ANKRD6: variants seen among roughly 807,000 people sequenced by gnomAD.
ANKRD6 encodes the protein ankyrin repeat domain 6, also known as ankyrin repeat domain-containing protein 6.
ANKRD6 carries 56 observed loss-of-function variants against 82.3 expected under a neutral mutation model. The observed-to-expected ratio is 0.68, with a 90% CI of 0.55 to 0.85. The LOEUF is 0.85. Ranked by LOEUF, ANKRD6 falls within the 40% of genes least tolerant of loss-of-function variation. The probability of loss-of-function intolerance (pLI) is 0.00; values close to 1 mark genes in which losing one functional copy is unlikely to be tolerated. For synonymous variants in ANKRD6, 347 were observed against 352.1 expected (o/e 0.99, Z 0.16); for missense variants, 852 against 907.6 (o/e 0.94, Z 0.79).
intron 3 of ANKRD6, among the ~76,000 whole-genome samples, chr6:89,601,134 C>T (rs532403558): frequency 6.6e-6 from 1 of 152,296 alleles, no homozygotes; most frequent in African/African-American, 2.4e-5. Flanking sequence ...GTAGACAGCG[C>T]AAATGGCACA....
chr6:89,619,405 G>A (rs1802422210), intron 9 of ANKRD6, among the ~76,000 whole-genome samples: 1 of 152,172 alleles, frequency 6.6e-6, no homozygotes, highest in Admixed American at 6.5e-5. Context: ...GCCATACAAA[G>A]ATCAAGTCTT....
chr6:89,589,461 C>T (rs1794449707), intron 2 of ANKRD6, among the ~76,000 whole-genome samples: 1 of 152,206 alleles, frequency 6.6e-6, no homozygotes, highest in Admixed American at 6.5e-5. Flanking sequence ...AACAAAAACA[C>T]CTCCACTTCC....
chr6:89,551,351 C>T (rs1785821455), intron 1 of ANKRD6, among the ~76,000 whole-genome samples: 1 of 152,196 alleles, frequency 6.6e-6, no homozygotes, highest in African/African-American at 2.4e-5. Flanking sequence ...CACCCTCTTC[C>T]CACCATGCTG....
intron 1 of ANKRD6, among the ~76,000 whole-genome samples, chr6:89,530,168 T>C (rs1435767391): frequency 6.6e-6 from 1 of 152,010 alleles, no homozygotes; most frequent in Admixed American, 6.6e-5. Context: ...CTTGGGAGGA[T>C]TGCTTGAGCC....
At chr6:89,605,811 C>A (rs1294396178) in intron 4 of ANKRD6, among the ~76,000 whole-genome samples, 196 bp from the exon 5 acceptor site, 1 of 152,158 alleles carries the variant, frequency 6.6e-6, no homozygotes, top group Non-Finnish European at 1.5e-5. Context: ...TAGAATGGTT[C>A]TTATGATGTA....
chr6:89,499,611 A>T (rs1779037498), intron 1 of ANKRD6, among the ~76,000 whole-genome samples: 1 of 152,090 alleles, frequency 6.6e-6, no homozygotes, highest in African/African-American at 2.4e-5. Context: ...GGGTGCCAAT[A>T]GCTTGTATTG....
chr6:89,559,721 C>G (rs565772274), intron 1 of ANKRD6, among the ~76,000 whole-genome samples: 1 of 152,254 alleles, frequency 6.6e-6, no homozygotes, highest in East Asian at 1.9e-4. Context: ...GCTGACAGGC[C>G]TGTCTCACTG....
chr6:89,536,486 C>A (rs773899590), intron 1 of ANKRD6, among the ~76,000 whole-genome samples: 1 of 152,196 alleles, frequency 6.6e-6, no homozygotes, highest in African/African-American at 2.4e-5. Flanking sequence ...TGCTTTCAGG[C>A]TCAGAGTGGT....
chr6:89,514,711 G>T (rs1781004553), intron 1 of ANKRD6, among the ~76,000 whole-genome samples: 1 of 152,146 alleles, frequency 6.6e-6, no homozygotes, highest in Non-Finnish European at 1.5e-5. Context: ...TTGTATTTCT[G>T]TTGATTATAT....
At chr6:89,557,668 A>C (rs761211036) in intron 1 of ANKRD6, among the ~76,000 whole-genome samples, 26 of 152,150 alleles carry the variant, frequency 1.7e-4, no homozygotes, top group Non-Finnish European at 4.4e-5. Context: ...GCCTGTTAGG[A>C]ACCTTGCCAC....
Position 89,623,524 on chromosome 6 carries a change from A to G in ANKRD6, c.1012A>G (p.Arg338Gly). 1 of 1,587,250 alleles carries G rather than the reference A, an allele frequency of 6.3e-7. No homozygotes were observed. Among genetic ancestry groups the G allele is most frequent in the Admixed American group, 1.8e-5 (1 of 55,356 alleles). ...AGAACCCAGAGCAAAGGATGACAGGAGGAGAAAGTCAAGGCCCAAGGTCAG... is the reference window on the plus strand; with the variant it reads ...AGAACCCAGAGCAAAGGATGACAGGGGGAGAAAGTCAAGGCCCAAGGTCAG... ...SPEPRAKDDR[R>G]RKSRPKVSAF... Residue 338 changes from arginine (R) to glycine (G), a missense_variant, in exon 11 of 16, where the codon AGG becomes GGG. Coordinates refer to ENST00000339746, the MANE Select transcript of ANKRD6 (RefSeq NM_001242809.2).
chr6:89,600,592 G>A (rs980469419), intron 3 of ANKRD6, among the ~76,000 whole-genome samples: 8 of 152,188 alleles, frequency 5.3e-5, no homozygotes, highest in Non-Finnish European at 1.2e-4. Context: ...GAAAGCGTGA[G>A]CTGCAGTCGC....
At chr6:89,460,711 C>T (rs1428135761) in intron 1 of ANKRD6, among the ~76,000 whole-genome samples, 3 of 152,098 alleles carry the variant, frequency 2.0e-5, no homozygotes, top group Non-Finnish European at 2.9e-5. Context: ...GCTGGGATTA[C>T]AGGCGTGAGC....
chr6:89,446,006 A>G (rs1171918041), intron 1 of ANKRD6, among the ~76,000 whole-genome samples: 1 of 152,154 alleles, frequency 6.6e-6, no homozygotes, highest in African/African-American at 2.4e-5. Flanking sequence ...GCTGTTACCC[A>G]TCTCTCTCCC....
At chr6:89,440,508 C>T (rs1014034739) in intron 1 of ANKRD6, among the ~76,000 whole-genome samples, 2 of 152,178 alleles carry the variant, frequency 1.3e-5, no homozygotes, top group Non-Finnish European at 2.9e-5. Flanking sequence ...CTGCTTTTAG[C>T]AAATAGGGGA....
At chr6:89,492,713 G>A (rs758635306) in intron 1 of ANKRD6, among the ~76,000 whole-genome samples, 11 of 152,172 alleles carry the variant, frequency 7.2e-5, no homozygotes, top group Admixed American at 1.3e-4. Flanking sequence ...GAAGAGGTTC[G>A]TAACATGAAA....
chr6:89,588,513 C>T (rs1256112485), intron 2 of ANKRD6, among the ~76,000 whole-genome samples: 2 of 152,160 alleles, frequency 1.3e-5, no homozygotes, highest in Non-Finnish European at 2.9e-5. Flanking sequence ...CCCATTACAC[C>T]ATTTCTCCTT....
At chr6:89,453,575 C>A (rs1773123652) in intron 1 of ANKRD6, among the ~76,000 whole-genome samples, 1 of 151,776 alleles carries the variant, frequency 6.6e-6, no homozygotes. Context: ...TTGGGAAGTG[C>A]CTCCAACAAT....
chr6:89,621,988 G>C lies in ANKRD6; in HGVS notation c.859G>C (p.Ala287Pro). 1 of 1,612,866 alleles carries C rather than the reference G, an allele frequency of 6.2e-7. No homozygotes were observed. Among genetic ancestry groups the C allele is most frequent in the Non-Finnish European group, 8.5e-7 (1 of 1,179,896 alleles). ...KRERLKEERRAQSVPRDEVAQ... is the reference protein window; with the variant it reads ...KRERLKEERRPQSVPRDEVAQ... ...AGAGAGGCTCAAGGAAGAGAGGAGA[G>C]CCCAGTCTGTGCCAAGAGATGAGGT... Residue 287 changes from alanine (A) to proline (P), a missense_variant, in exon 10 of 16, where the codon GCC becomes CCC. By Grantham distance (27) the Ala-to-Pro change is conservative. Transcript: ENST00000339746.
Sources: gnomAD v4.1 joint callset for allele counts (sites outside exome capture counted in the v4.1 genomes callset) on GRCh38, gnomAD v4.1.1 for gene constraint, MANE v1.5 for transcripts, NCBI Gene and HGNC (gene_info 2026-07-23, HGNC 2026-07-21) for gene names.